Variants in AQR observed in about 807,000 individuals in gnomAD.
The protein encoded by AQR is RNA helicase aquarius.
In AQR, 61 loss-of-function variants were observed where a neutral mutation model predicts 180.5. That is an observed-to-expected ratio of 0.34 (90% CI 0.28 to 0.42). The LOEUF is 0.42. Among genes scored for constraint, AQR ranks in the 10% least tolerant of loss-of-function variants. The pLI is 1.00. For missense variants in AQR, 1,281 were observed against 1,798.3 expected, an observed-to-expected ratio of 0.71 and a Z score of 5.20; for synonymous variants, 551 against 588.8, an observed-to-expected ratio of 0.94 and a Z score of 0.93.
chr15:34,861,161 A>T (rs183068052), intron 33 of AQR, among the ~76,000 whole-genome samples: 2 of 152,366 alleles, frequency 1.3e-5, no homozygotes, highest in East Asian at 3.9e-4. Flanking sequence ...AAAGTTATTT[A>T]AAGAGCATGA....
In AQR at chr15:34,862,391, T is replaced by C. The variant is rs145444355; in HGVS notation, c.4029+476A>G. ...TCTGCTAGATGCATGGCCAAACTACTTAGCTTCTCTGACCCTAAGTTTCTC... is the reference window on the plus strand; with the variant it reads ...TCTGCTAGATGCATGGCCAAACTACCTAGCTTCTCTGACCCTAAGTTTCTC... On this transcript the variant is annotated intron_variant, in intron 33 of 34. Transcript: ENST00000156471. Among the ~76,000 whole-genome samples, 344 of 152,232 alleles carry C rather than the reference T, an allele frequency of 2.3e-3. 2 individuals carry two copies. The highest frequency in any genetic ancestry group is 7.8e-3 in the African/African-American group (322 of 41,546).
At position 34,870,921 on chromosome 15, in the gene AQR, T is replaced by C; in HGVS notation, c.3599A>G (p.Asn1200Ser). Reference protein sequence around the residue: ...ESEPNPYFYQNLGEAEYVVAL... With the variant: ...ESEPNPYFYQSLGEAEYVVAL... ...TACTACATATTCTGCCTCTCCAAGA[T>C]TCTGTAATGCAAACATAATCAGACT... The change falls in exon 31 of 35, where the codon AAT becomes AGT. Residue 1200 changes from asparagine (N) to serine (S), a missense_variant and splice_region_variant. Asn to Ser is a conservative substitution (Grantham distance 46, BLOSUM62 1). Around this residue, in one of 9 missense-constraint regions of AQR, gnomAD observed 197 missense variants for 320.7 expected, o/e 0.61. Transcript: ENST00000156471. 6.2e-7 allele frequency: 1 copy of C among 1,611,410 alleles called. No homozygotes were observed. The highest frequency in any genetic ancestry group is 8.5e-7 in the Non-Finnish European group (1 of 1,178,508).
chr15:34,875,911 T>C, intron 28 of AQR, 24 bp downstream of exon 28: 1 of 1,565,234 alleles, frequency 6.4e-7, no homozygotes, highest in South Asian at 1.1e-5. Flanking sequence ...CTATTTTCTT[T>C]GCCTCAGATC....
intron 9 of AQR, 29 bp from the exon 10 acceptor site, chr15:34,934,664 A>G (rs1893920616): frequency 2.0e-6 from 3 of 1,473,820 alleles, no homozygotes; most frequent in Non-Finnish European, 1.8e-6. Context: ...GCATGATAGA[A>G]TTTCCTTACT....
chr15:34,897,485 T>C, intron 21 of AQR, 74 bp downstream of exon 21: 1 of 1,543,128 alleles, frequency 6.5e-7, no homozygotes, highest in Admixed American at 1.9e-5. Context: ...ACAGAAAATT[T>C]AAAAACATTC....
At chr15:34,964,358 T>C (rs1186239456) in intron 1 of AQR, 68 bp from the exon 2 acceptor site, 2 of 1,299,428 alleles carry the variant, frequency 1.5e-6, no homozygotes, top group South Asian at 1.2e-5. Context: ...AGACAGATCA[T>C]TTAGTGATAA....
chr15:34,861,097 A>G (rs1000840274), intron 33 of AQR, among the ~76,000 whole-genome samples: 2 of 152,228 alleles, frequency 1.3e-5, no homozygotes, highest in African/African-American at 4.8e-5. Context: ...CAATTTAGAA[A>G]ATCATTAAGG....
intron 28 of AQR, 26 bp from the exon 29 acceptor site, chr15:34,874,890 C>CA (rs1892870039): frequency 1.9e-6 from 3 of 1,598,714 alleles, no homozygotes; most frequent in Non-Finnish European, 2.6e-6. Context: ...AAGGAAATGG[C>CA]AAAATACTCT....
intron 12 of AQR, 103 bp from the exon 13 acceptor site, chr15:34,927,241 T>C: frequency 1.6e-6 from 1 of 635,350 alleles, no homozygotes; most frequent in Non-Finnish European, 2.4e-6. Flanking sequence ...TTAACGCATT[T>C]CTGTCTCTTA....
chr15:34,866,060 CAAT>C (rs1238269203), intron 32 of AQR, among the ~76,000 whole-genome samples: 1 of 151,970 alleles, frequency 6.6e-6, no homozygotes, highest in African/African-American at 2.4e-5. Context: ...AATTACAACT[CAAT>C]AATGTTATCA....
At chr15:34,929,515 T>G (rs1893817420) in intron 12 of AQR, among the ~76,000 whole-genome samples, 1 of 152,194 alleles carries the variant, frequency 6.6e-6, no homozygotes, top group Non-Finnish European at 1.5e-5. Context: ...GTGGTGTTAT[T>G]TCTGACGTCT....
Position 34,856,462 on chromosome 15 carries a change from C to T in AQR, c.*330G>A, listed in dbSNP as rs1892586885. 1 of 401,572 alleles carries T rather than the reference C, an allele frequency of 2.5e-6. No individual in the cohort carries two copies. Among genetic ancestry groups the T allele is most frequent in the Middle Eastern group, 6.3e-4 (1 of 1,584 alleles). The allele number at this position is 401,572 out of a possible 1,614,324, so 24.9% of individuals were successfully genotyped here. A position where few individuals can be genotyped will look rare whatever the true frequency, so the allele number is the denominator to read the frequency against. On this transcript the variant is annotated 3_prime_UTR_variant, in exon 35 of 35. Transcript: ENST00000156471. Reference sequence around the variant, plus strand: ...GTGGTTAAGTCCAGTATATTCTGTCCTCTTCTTTAGAGAAGTTCACTAAAA... The same window carrying T: ...GTGGTTAAGTCCAGTATATTCTGTCTTCTTCTTTAGAGAAGTTCACTAAAA...
intron 21 of AQR, 143 bp downstream of exon 21, chr15:34,897,416 C>A: frequency 1.1e-6 from 1 of 937,958 alleles, no homozygotes; most frequent in South Asian, 1.7e-5. Flanking sequence ...ATTCAGCTGA[C>A]TGACAGAATA....
intron 34 of AQR, among the ~76,000 whole-genome samples, chr15:34,858,196 C>A (rs993453174): frequency 6.6e-6 from 1 of 151,724 alleles, no homozygotes; most frequent in Non-Finnish European, 1.5e-5. Flanking sequence ...GTTGGCCAGG[C>A]TGGTCTCGAA....
chr15:34,895,226 CAAAT>C lies in AQR; in HGVS notation c.2461-1457_2461-1454del, dbSNP rs1373437819. Among the ~76,000 whole-genome samples, 6 of 42,686 alleles carry C rather than the reference CAAAT, an allele frequency of 1.4e-4. No homozygotes were observed. The South Asian group carries it at 3.6e-3, about 26-fold the overall frequency. The allele number at this position is 42,686 out of a possible 152,430, so 28.0% of individuals were successfully genotyped here. On this transcript the variant is annotated intron_variant, in intron 22 of 34. Coordinates refer to ENST00000156471, the MANE Select transcript of AQR (RefSeq NM_014691.3). The stretch of plus-strand genomic sequence containing the variant: ...TATATATATATATATATATATGAAA[CAAAT>C]AAAAACATAATACTCAAAACTATTC...
chr15:34,906,514 C>T, intron 18 of AQR, 31 bp downstream of exon 18: 1 of 1,611,626 alleles, frequency 6.2e-7, no homozygotes, highest in Non-Finnish European at 8.5e-7. Flanking sequence ...ATTCTATACA[C>T]ATACTCTTTC....
chr15:34,890,443 T>A (rs1893127177), intron 23 of AQR, 119 bp from the exon 24 acceptor site: 3 of 765,372 alleles, frequency 3.9e-6, no homozygotes. Context: ...ATTTATAATT[T>A]AATCAAATAG....
At chr15:34,964,602 A>C (rs1392666547) in intron 1 of AQR, 1 of 423,184 alleles carries the variant, frequency 2.4e-6, no homozygotes, top group Non-Finnish European at 4.4e-6. Flanking sequence ...TCAGCATGGC[A>C]ATAAGGAAAC....
intron 20 of AQR, among the ~76,000 whole-genome samples, chr15:34,899,331 G>A (rs770107891): frequency 1.3e-5 from 2 of 152,124 alleles, no homozygotes; most frequent in East Asian, 1.9e-4. Context: ...AAAGTATGGA[G>A]GGAGACTAGG....
Sources: allele counts gnomAD v4.1 joint callset (sites outside exome capture counted in the v4.1 genomes callset), GRCh38; gene constraint gnomAD v4.1.1; regional missense constraint gnomAD v4.1.1; transcripts MANE v1.5; gene names NCBI Gene and HGNC (gene_info 2026-07-23, HGNC 2026-07-21).